MTSS1: variants seen among roughly 807,000 people sequenced by gnomAD.
The protein encoded by MTSS1 is MTSS I-BAR domain containing 1.
MTSS1 carries 18 observed loss-of-function variants against 79.0 expected under a neutral mutation model. That is an observed-to-expected ratio of 0.23 (90% CI 0.16 to 0.34). The LOEUF (loss-of-function observed/expected upper bound fraction) is 0.34. MTSS1 is among the 10% of genes least tolerant of loss of function. The pLI, the probability that MTSS1 is intolerant of heterozygous loss-of-function variation, is 1.00. For missense variants in MTSS1, 815 were observed against 986.2 expected (o/e 0.83, Z 2.33); for synonymous variants, 341 against 368.6 (o/e 0.93, Z 0.86).
intron 1 of MTSS1, among the ~76,000 whole-genome samples, chr8:124,719,260 A>T (rs1261859958): frequency 6.6e-6 from 1 of 152,172 alleles, no homozygotes; most frequent in Admixed American, 6.5e-5. Flanking sequence ...TACTAAGACT[A>T]CCTCGCTGGG....
chr8:124,678,562 C>G (rs1017907289), intron 3 of MTSS1, among the ~76,000 whole-genome samples: 2 of 152,158 alleles, frequency 1.3e-5, no homozygotes, highest in African/African-American at 4.8e-5. Flanking sequence ...AGAGGAACTG[C>G]CCTTTATCAA....
chr8:124,703,834 G>T (rs1480041383), intron 2 of MTSS1, among the ~76,000 whole-genome samples: 4 of 152,274 alleles, frequency 2.6e-5, no homozygotes, highest in African/African-American at 9.6e-5. Context: ...GGCACATAGT[G>T]AGCAATACAT....
At position 124,567,604 on chromosome 8, in the gene MTSS1, C is replaced by CAACAG. The variant is rs1413942497; in HGVS notation, c.619-431_619-427dup. 2.9e-6 allele frequency: 4 copies of CAACAG among 1,393,262 alleles called. No homozygotes were observed. The East Asian group carries it at 7.7e-5, about 27-fold the overall frequency. The allele number at this position is 1,393,262 out of a possible 1,614,324, so 86.3% of individuals were successfully genotyped here. On this transcript the variant is annotated intron_variant, in intron 7 of 13. Transcript: ENST00000518547. The stretch of plus-strand genomic sequence containing the variant: ...ATCTTTGTGACAGTGCCTGTGTGTT[C>CAACAG]AACAGAAGCTAACTTTTCCCCTTCT...
intron 3 of MTSS1, among the ~76,000 whole-genome samples, chr8:124,642,523 A>C (rs1238220754): frequency 6.6e-6 from 1 of 152,188 alleles, no homozygotes; most frequent in African/African-American, 2.4e-5. Flanking sequence ...ACATATTTAT[A>C]TTGATCCACC....
chr8:124,613,997 A>T (rs1836358393), intron 3 of MTSS1, among the ~76,000 whole-genome samples: 1 of 152,030 alleles, frequency 6.6e-6, no homozygotes, highest in African/African-American at 2.4e-5. Flanking sequence ...CCTCATTTCC[A>T]CAAAACATTT....
chr8:124,640,347 A>G (rs758343683), intron 3 of MTSS1, among the ~76,000 whole-genome samples: 2 of 152,230 alleles, frequency 1.3e-5, no homozygotes, highest in Non-Finnish European at 2.9e-5. Flanking sequence ...TAAACAATTT[A>G]CTGGAACGGA....
intron 3 of MTSS1, among the ~76,000 whole-genome samples, chr8:124,663,790 A>G (rs546259803): frequency 2.4e-4 from 37 of 152,290 alleles, no homozygotes; most frequent in African/African-American, 8.7e-4. Flanking sequence ...AAAGATGAGT[A>G]AGACGTGGTC....
At chr8:124,689,093 G>A (rs1220257075) in intron 3 of MTSS1, among the ~76,000 whole-genome samples, 1 of 146,622 alleles carries the variant, frequency 6.8e-6, no homozygotes, top group Non-Finnish European at 1.5e-5. Context: ...CCAAATTCTC[G>A]GTGACAGAAG....
rs1292154436 is a variant in MTSS1 at position 124,727,724 on chromosome 8, C to T, written c.72+160G>A. 1 of 687,416 alleles carries T rather than the reference C, an allele frequency of 1.5e-6. No homozygotes were observed. Among genetic ancestry groups the T allele is most frequent in the East Asian group, 3.0e-5 (1 of 33,682 alleles). 42.6% of individuals were successfully genotyped at this position (687,416 alleles called of 1,614,324 possible). ...TGACCCCGCAGAGCCCGGAGCAGCG[C>T]CCCGGGTGAGCAGGTGACACTCCGG... is the stretch of plus-strand genomic sequence containing the variant. On this transcript the variant is annotated intron_variant, in intron 1 of 13. Transcript: ENST00000518547. This position sits in a 1 kb window ranked among gnomAD's most constrained non-coding sequence, Gnocchi z 4.7.
chr8:124,635,123 A>C lies in MTSS1; in HGVS notation c.209-43888T>G, dbSNP rs181447009. On this transcript the variant is annotated intron_variant, in intron 3 of 13. Transcript: ENST00000518547. ...GAACGTTAAAGCTGCCCAAACTTCC[A>C]TTTATTTACCCTCCAAACATCACTT... Among the ~76,000 whole-genome samples, 54 of 152,344 alleles carry C rather than the reference A, an allele frequency of 3.5e-4. 1 individual carries two copies. The highest frequency in any genetic ancestry group is 3.2e-3 in the Admixed American group (49 of 15,300).
At chr8:124,675,372 G>A (rs1825088919) in intron 3 of MTSS1, among the ~76,000 whole-genome samples, 1 of 152,218 alleles carries the variant, frequency 6.6e-6, no homozygotes, top group African/African-American at 2.4e-5. Flanking sequence ...GTAAAGGTGT[G>A]TTTGGTTCTC....
At chr8:124,585,337 G>T (rs1830676109) in intron 5 of MTSS1, among the ~76,000 whole-genome samples, 176 bp from the exon 6 acceptor site, 1 of 152,054 alleles carries the variant, frequency 6.6e-6, no homozygotes, top group South Asian at 2.1e-4. Flanking sequence ...AGGGGCTAGA[G>T]ACACGAAAAC....
intron 3 of MTSS1, among the ~76,000 whole-genome samples, chr8:124,677,253 G>A (rs903148747): frequency 2.0e-5 from 3 of 152,112 alleles, no homozygotes; most frequent in Non-Finnish European, 4.4e-5. Context: ...AAAGGTAAGA[G>A]GAAATATATT....
At chr8:124,611,111 C>A (rs867666776) in intron 3 of MTSS1, among the ~76,000 whole-genome samples, 4 of 148,196 alleles carry the variant, frequency 2.7e-5, no homozygotes, top group Non-Finnish European at 3.0e-5. Context: ...GACAGACCCC[C>A]CCCCCCCAGC....
chr8:124,633,587 A>G (rs1331707448), intron 3 of MTSS1, among the ~76,000 whole-genome samples: 1 of 152,106 alleles, frequency 6.6e-6, no homozygotes, highest in Non-Finnish European at 1.5e-5. Context: ...CCTGGCCAAC[A>G]TGGTGAAACC....
At chr8:124,700,290 T>C (rs1829529346) in intron 2 of MTSS1, among the ~76,000 whole-genome samples, 1 of 152,098 alleles carries the variant, frequency 6.6e-6, no homozygotes, top group Non-Finnish European at 1.5e-5. Context: ...GCAATATATA[T>C]ATATGCACAT....
At chr8:124,561,981 A>G (rs1032178157) in intron 10 of MTSS1, among the ~76,000 whole-genome samples, 2 of 152,210 alleles carry the variant, frequency 1.3e-5, no homozygotes, top group African/African-American at 4.8e-5. Flanking sequence ...GAGGAGAGGA[A>G]CGCAGAGCTC....
chr8:124,704,382 C>G (rs73707009), intron 1 of MTSS1, among the ~76,000 whole-genome samples, 191 bp from the exon 2 acceptor site: 167 of 152,298 alleles, frequency 1.1e-3, no homozygotes, highest in African/African-American at 3.8e-3. Context: ...GTGCTCAGTT[C>G]CTATAATCTT....
At chr8:124,684,350 T>C (rs1036243026) in intron 3 of MTSS1, among the ~76,000 whole-genome samples, 1 of 152,232 alleles carries the variant, frequency 6.6e-6, no homozygotes, top group Admixed American at 6.5e-5. Flanking sequence ...GGCTCAACTA[T>C]GCCTAAGTAA....
Sources: allele counts gnomAD v4.1 joint callset (sites outside exome capture counted in the v4.1 genomes callset), GRCh38; gene constraint gnomAD v4.1.1; non-coding constraint Gnocchi (gnomAD v3.1); transcripts MANE v1.5; gene names NCBI Gene and HGNC (gene_info 2026-07-23, HGNC 2026-07-21).